The following SVEP1 variants were observed in gnomAD, a reference collection of about 807,000 sequenced individuals.
SVEP1 encodes sushi, von Willebrand factor type A, EGF and pentraxin domain-containing protein 1.
Under a neutral mutation model 367.3 loss-of-function variants are expected in SVEP1, and 164 were observed. That is an observed-to-expected ratio of 0.45 (90% CI 0.39 to 0.51). The LOEUF (loss-of-function observed/expected upper bound fraction) is 0.51, where lower values mean the gene tolerates loss of function less well. Ranked by LOEUF, SVEP1 falls within the 20% of genes least tolerant of loss-of-function variation. The pLI is 0.00. For synonymous variants in SVEP1, 1,666 were observed against 1,611.6 expected, an observed-to-expected ratio of 1.03 and a Z score of -0.81; for missense variants, 4,117 against 4,425.3, an observed-to-expected ratio of 0.93 and a Z score of 1.98.
rs1402746040 is a variant in SVEP1, at chr9:110,407,517, G to A, written c.8083C>T (p.Pro2695Ser). 1.2e-6 allele frequency: 2 copies of A among 1,613,810 alleles called. No homozygotes were observed. The highest frequency in any genetic ancestry group is 1.3e-5 in the African/African-American group (1 of 74,902). Residue 2695 changes from proline to serine, a missense_variant, in exon 38 of 48, where the codon CCT becomes TCT. By Grantham distance (74) the Pro-to-Ser change is moderately conservative (BLOSUM62 -1). Coordinates refer to ENST00000374469, the MANE Select transcript of SVEP1 (RefSeq NM_153366.4). ...CCATCTTCCTGGCAGATCAGCACAG[G>A]GTTCCCCAGAAGTTCATATCCTGGA... Reference protein sequence around the residue: ...CNPGYELLGNPVLICQEDGTW... With the variant: ...CNPGYELLGNSVLICQEDGTW...
intron 40 of SVEP1, among the ~76,000 whole-genome samples, chr9:110,394,380 G>A (rs1319782641): frequency 2.0e-5 from 3 of 152,152 alleles, no homozygotes; most frequent in Non-Finnish European, 4.4e-5. Flanking sequence ...ACCAAAGGTA[G>A]ATATAACCAC....
chr9:110,576,662 C>T (rs183892710), intron 1 of SVEP1, among the ~76,000 whole-genome samples: 4 of 151,922 alleles, frequency 2.6e-5, no homozygotes, highest in African/African-American at 4.8e-5. Context: ...TGTTTCTATA[C>T]GTCAAGAAAA....
rs202182711 is a variant in SVEP1, at chr9:110,550,009, C to T, written c.627G>A (p.Ala209=). The T allele has an allele frequency of 4.1e-3, 6,601 of 1,613,720 alleles. 17 individuals are homozygous for T. Among genetic ancestry groups the T allele is most frequent in the Non-Finnish European group, 5.3e-3 (6,267 of 1,179,826 alleles). Residue 209 remains alanine (A), a synonymous_variant, in exon 2 of 48, where the codon GCG becomes GCA. Transcript: ENST00000374469. The stretch of plus-strand genomic sequence containing the variant: ...TCTCCACTCCTGAATCTCGCAGTGA[C>T]GCTGCAATTGGTCTAGGGTCTCCCC... ...SNGGDPRPIA[A]SLRDSGVEIF...
chr9:110,410,826 C>T (rs1279813108), intron 37 of SVEP1, among the ~76,000 whole-genome samples: 3 of 152,178 alleles, frequency 2.0e-5, no homozygotes, highest in South Asian at 2.1e-4. Context: ...TAATTAGTCT[C>T]TTACCTCCAG....
chr9:110,562,851 G>A (rs1314948737), intron 1 of SVEP1, among the ~76,000 whole-genome samples: 10 of 151,968 alleles, frequency 6.6e-5, no homozygotes, highest in African/African-American at 9.7e-5. Flanking sequence ...CACCGCACCC[G>A]GCCAATTTTT....
chr9:110,505,720 C>G (rs1298323812), intron 5 of SVEP1, among the ~76,000 whole-genome samples: 2 of 152,052 alleles, frequency 1.3e-5, no homozygotes, highest in Non-Finnish European at 2.9e-5. Flanking sequence ...CTTTCTCTCA[C>G]ACACACATAT....
rs567143886 is a variant in SVEP1 at position 110,574,701 on chromosome 9, G to C, written c.531+4312C>G. On this transcript the variant is annotated intron_variant, in intron 1 of 47. Coordinates refer to ENST00000374469, the MANE Select transcript of SVEP1 (RefSeq NM_153366.4). The stretch of plus-strand genomic sequence containing the variant: ...CTTGGAAAAGTTACAATGCAGACAT[G>C]TAGGCTTCCAGTTTAGACAGGGACT... 1.7e-3 allele frequency among the ~76,000 whole-genome samples: 260 copies of C among 149,782 alleles called. 4 individuals carry two copies. Among genetic ancestry groups the C allele is most frequent in the African/African-American group, 6.1e-3 (247 of 40,706 alleles).
intron 26 of SVEP1, among the ~76,000 whole-genome samples, chr9:110,444,346 G>C (rs1001863150): frequency 6.7e-6 from 1 of 148,728 alleles, no homozygotes; most frequent in Non-Finnish European, 1.5e-5. Flanking sequence ...GTGCCATCGT[G>C]GACAGGAAAG....
Position 110,573,670 on chromosome 9 carries a change from C to T in SVEP1, c.531+5343G>A, listed in dbSNP as rs151133950. 1.1e-4 allele frequency among the ~76,000 whole-genome samples: 17 copies of T among 151,762 alleles called. No homozygotes were observed. The East Asian group carries it at 2.5e-3, about 22-fold the overall frequency. Reference sequence around the variant, plus strand: ...TCTGGTTTTATTTTGATGTGAAATACGTAGGATTGAGAAGAGCCTGGCATT... The same window carrying T: ...TCTGGTTTTATTTTGATGTGAAATATGTAGGATTGAGAAGAGCCTGGCATT... On this transcript the variant is annotated intron_variant, in intron 1 of 47. Transcript: ENST00000374469.
intron 21 of SVEP1, 111 bp from the exon 22 acceptor site, chr9:110,455,814 GT>G (rs1487584774): frequency 2.1e-6 from 1 of 472,632 alleles, no homozygotes; most frequent in African/African-American, 4.1e-5. Flanking sequence ...TAAATGGGTA[GT>G]GGTAAAGGGT....
chr9:110,389,512 C>T lies in SVEP1; in HGVS notation c.9886+12G>A. ...TGTCATTTTGGGGGCTGCTAAGTGT[C>T]ATTCAACTCACCTTTGCATATTGCC... is the stretch of plus-strand genomic sequence containing the variant. On this transcript the variant is annotated intron_variant, in intron 41 of 47. Coordinates refer to ENST00000374469, the MANE Select transcript of SVEP1 (RefSeq NM_153366.4). 6.2e-7 allele frequency: 1 copy of T among 1,613,022 alleles called. No individual in the cohort carries two copies. Among genetic ancestry groups the T allele is most frequent in the Non-Finnish European group, 8.5e-7 (1 of 1,179,488 alleles).
intron 17 of SVEP1, among the ~76,000 whole-genome samples, chr9:110,468,086 TAA>T (rs1828965738): frequency 6.6e-6 from 1 of 152,328 alleles, no homozygotes; most frequent in South Asian, 2.1e-4. Flanking sequence ...ATGAGCCAAT[TAA>T]AACTCTTTTC....
intron 3 of SVEP1, among the ~76,000 whole-genome samples, chr9:110,541,572 T>C (rs1451316769): frequency 1.3e-5 from 2 of 152,062 alleles, no homozygotes; most frequent in Non-Finnish European, 2.9e-5. Context: ...TTAATGCTCA[T>C]TCATTAGCTT....
At chr9:110,564,299 A>C (rs1830463973) in intron 1 of SVEP1, among the ~76,000 whole-genome samples, 1 of 152,216 alleles carries the variant, frequency 6.6e-6, no homozygotes, top group Non-Finnish European at 1.5e-5. Context: ...TTTATGATTC[A>C]AAGCTGTTAG....
intron 43 of SVEP1, among the ~76,000 whole-genome samples, chr9:110,385,601 C>G (rs1216974319): frequency 6.6e-6 from 1 of 152,212 alleles, no homozygotes; most frequent in Non-Finnish European, 1.5e-5. Flanking sequence ...AGTTTGGGGA[C>G]TCTGACAGTG....
chr9:110,435,166 G>A, intron 29 of SVEP1, 75 bp downstream of exon 29: 1 of 1,542,230 alleles, frequency 6.5e-7, no homozygotes, highest in East Asian at 2.3e-5. Flanking sequence ...AGAGAATTCT[G>A]AACTGTCTTC....
chr9:110,457,341 T>C lies in SVEP1; in HGVS notation c.3588A>G (p.Glu1196=). ...TATTGTGGCAAGGGTTAAAGAAGCA[T>C]TCATGGAAAACCTACCAGTAGCATA... ...RHEISSQVFH[E]CFFNPCHNSG... The change falls in exon 21 of 48, where the codon GAA becomes GAG. Residue 1196 remains glutamate, a synonymous_variant. Coordinates refer to ENST00000374469, the MANE Select transcript of SVEP1 (RefSeq NM_153366.4). The C allele has an allele frequency of 6.2e-7, 1 of 1,609,474 alleles. No homozygotes were observed. Among genetic ancestry groups the C allele is most frequent in the Non-Finnish European group, 8.5e-7 (1 of 1,178,848 alleles).
intron 40 of SVEP1, among the ~76,000 whole-genome samples, chr9:110,390,035 ATAT>A (rs1564127090): frequency 8.3e-6 from 1 of 120,828 alleles, no homozygotes; most frequent in African/African-American, 3.0e-5. Flanking sequence ...GTGTATATAT[ATAT>A]AAGTATATAT....
chr9:110,490,706 C>A (rs1454763520), intron 8 of SVEP1, among the ~76,000 whole-genome samples: 3 of 152,034 alleles, frequency 2.0e-5, no homozygotes, highest in African/African-American at 4.8e-5. Flanking sequence ...TGCATGGTAA[C>A]AATTCATATT....
Sources: allele counts gnomAD v4.1 joint callset (sites outside exome capture counted in the v4.1 genomes callset), GRCh38; gene constraint gnomAD v4.1.1; transcripts MANE v1.5; gene names NCBI Gene and HGNC (gene_info 2026-07-23, HGNC 2026-07-21).